Variants in ATP10D observed in about 807,000 individuals in gnomAD.
ATP10D encodes the protein phospholipid-transporting ATPase VD.
In ATP10D, 89 loss-of-function variants were observed where a neutral mutation model predicts 144.8. The observed-to-expected ratio is 0.61, with a 90% confidence interval of 0.52 to 0.73. The LOEUF is 0.73. Among genes scored for constraint, ATP10D ranks in the 30% least tolerant of loss-of-function variants. ATP10D has a pLI of 0.00. For synonymous variants in ATP10D, 571 were observed against 615.1 expected (o/e 0.93, Z 1.06); for missense variants, 1,603 against 1,714.8 (o/e 0.93, Z 1.15).
intron 20 of ATP10D, among the ~76,000 whole-genome samples, chr4:47,581,022 C>T (rs942971647): frequency 6.6e-6 from 1 of 152,048 alleles, no homozygotes; most frequent in African/African-American, 2.4e-5. Context: ...GTGATTGCAC[C>T]ACTGCACTCC....
At chr4:47,511,831 G>C (rs531618124) in intron 1 of ATP10D, among the ~76,000 whole-genome samples, 1 of 152,254 alleles carries the variant, frequency 6.6e-6, no homozygotes, top group East Asian at 1.9e-4. Context: ...TGGTAAATGG[G>C]GCAACTGAGG....
At chr4:47,495,894 C>T (rs1458742737) in intron 1 of ATP10D, among the ~76,000 whole-genome samples, 11 of 152,232 alleles carry the variant, frequency 7.2e-5, no homozygotes, top group Non-Finnish European at 1.0e-4. Flanking sequence ...TGCGCCACCG[C>T]GCCTGGCTAA....
rs1714793477 is a variant in ATP10D, at chr4:47,486,988, T to C, written c.-38+1469T>C. Among the ~76,000 whole-genome samples, 6 of 152,106 alleles carry C rather than the reference T, an allele frequency of 3.9e-5. No individual in the cohort carries two copies. In the South Asian group the frequency reaches 1.2e-3, roughly 32 times the overall value. On this transcript the variant is annotated intron_variant, in intron 1 of 22. Transcript: ENST00000273859. Reference sequence around the variant, plus strand: ...GCTCATGCCTGTAATCCCAACACTTTGGGAGGCCGAGGCAGGCGGATCACC... The same window carrying C: ...GCTCATGCCTGTAATCCCAACACTTCGGGAGGCCGAGGCAGGCGGATCACC...
At chr4:47,573,713 G>T (rs1293821763) in intron 18 of ATP10D, among the ~76,000 whole-genome samples, 1 of 152,030 alleles carries the variant, frequency 6.6e-6, no homozygotes, top group Non-Finnish European at 1.5e-5. Context: ...ATGAATTTTA[G>T]GCCAAATTCA....
In ATP10D at chr4:47,563,650, G is replaced by C; in HGVS notation, c.2738G>C (p.Gly913Ala). Residue 913 changes from glycine to alanine, a missense_variant, in exon 15 of 23, where the codon GGC (glycine) becomes GCC (alanine). Coordinates refer to ENST00000273859, the MANE Select transcript of ATP10D (RefSeq NM_020453.4). ...PESIEALHKA[G>A]IKIWMLTGDK... is the part of the protein sequence containing the mutation. ...TCTATAGAAGCTCTTCACAAAGCGG[G>C]CATCAAGATCTGGATGCTGACAGGG... The C allele has an allele frequency of 6.2e-7, 1 of 1,613,972 alleles. No individual in the cohort carries two copies.
chr4:47,522,780 G>C (rs1717011848), intron 3 of ATP10D, among the ~76,000 whole-genome samples: 1 of 152,102 alleles, frequency 6.6e-6, no homozygotes, highest in South Asian at 2.1e-4. Flanking sequence ...TGTTGGCCAG[G>C]CTGGTCTGGA....
rs900566971 is a variant in ATP10D, at chr4:47,569,741, G to A, written c.3163+595G>A. 4.6e-5 allele frequency among the ~76,000 whole-genome samples: 7 copies of A among 152,274 alleles called. No individual in the cohort carries two copies. In the East Asian group the frequency reaches 1.3e-3, roughly 29 times the overall value. ...ACACGTAGAGCACTGGAGATGGGCT[G>A]GGGCTGCTCTTTTAAATACGATTTT... On this transcript the variant is annotated intron_variant, in intron 16 of 22. Coordinates refer to ENST00000273859, the MANE Select transcript of ATP10D (RefSeq NM_020453.4).
intron 20 of ATP10D, among the ~76,000 whole-genome samples, 187 bp downstream of exon 20, chr4:47,580,665 T>G (rs1037666300): frequency 4.6e-5 from 7 of 152,206 alleles, no homozygotes; most frequent in Admixed American, 1.3e-4. Context: ...TAGACATACA[T>G]AGTTTGAGTC....
At chr4:47,520,146 A>C (rs1370287196) in intron 3 of ATP10D, among the ~76,000 whole-genome samples, 1 of 152,162 alleles carries the variant, frequency 6.6e-6, no homozygotes, top group Non-Finnish European at 1.5e-5. Context: ...CAAATGTCAA[A>C]ATCTGTCTCT....
chr4:47,533,231 G>T (rs958121724), intron 5 of ATP10D, among the ~76,000 whole-genome samples: 1 of 152,090 alleles, frequency 6.6e-6, no homozygotes, highest in African/African-American at 2.4e-5. Flanking sequence ...CTGAGGACTG[G>T]CTGGTGCTTA....
intron 1 of ATP10D, among the ~76,000 whole-genome samples, chr4:47,486,353 T>G (rs1239168530): frequency 6.6e-6 from 1 of 152,230 alleles, no homozygotes; most frequent in East Asian, 1.9e-4. Flanking sequence ...CAAAGTTTCT[T>G]CTTGCGTTCT....
intron 19 of ATP10D, 27 bp from the exon 20 acceptor site, chr4:47,580,371 C>T (rs1219989892): frequency 6.4e-7 from 1 of 1,563,984 alleles, no homozygotes; most frequent in Non-Finnish European, 8.8e-7. Flanking sequence ...AATCTTACTA[C>T]CTCCCCGTTA....
chr4:47,581,872 C>A, intron 20 of ATP10D, 88 bp from the exon 21 acceptor site: 2 of 1,045,546 alleles, frequency 1.9e-6, no homozygotes, highest in Non-Finnish European at 3.0e-6. Flanking sequence ...AGAAGGGATT[C>A]AAGCCTTGGT....
chr4:47,494,573 A>C (rs1238038168), intron 1 of ATP10D, among the ~76,000 whole-genome samples: 1 of 135,072 alleles, frequency 7.4e-6, no homozygotes, highest in African/African-American at 2.7e-5. Context: ...ATGGGCCCAT[A>C]TGATGTTGAA....
intron 19 of ATP10D, among the ~76,000 whole-genome samples, chr4:47,577,517 A>G (rs771905039): frequency 1.6e-4 from 24 of 149,560 alleles, no homozygotes; most frequent in Non-Finnish European, 3.1e-4. Context: ...TATGGGAATG[A>G]AGTGAGGATT....
chr4:47,583,111 C>T (rs528532920), intron 21 of ATP10D: 4 of 152,362 alleles, frequency 2.6e-5, no homozygotes, highest in African/African-American at 9.6e-5. Flanking sequence ...CACTGCACTC[C>T]AGCTTGGGAA....
chr4:47,498,135 C>A (rs919377483), intron 1 of ATP10D, among the ~76,000 whole-genome samples: 5 of 152,200 alleles, frequency 3.3e-5, no homozygotes, highest in African/African-American at 1.2e-4. Context: ...AGAAGTCCCA[C>A]TAGGGCTGAG....
intron 21 of ATP10D, among the ~76,000 whole-genome samples, chr4:47,583,849 G>C (rs1241814829): frequency 6.6e-6 from 1 of 152,188 alleles, no homozygotes; most frequent in Non-Finnish European, 1.5e-5. Context: ...GAGTGACTCT[G>C]GAGATGCACA....
At chr4:47,553,334 A>C (rs559517279) in intron 10 of ATP10D, among the ~76,000 whole-genome samples, 1 of 152,338 alleles carries the variant, frequency 6.6e-6, no homozygotes, top group South Asian at 2.1e-4. Context: ...AATGGCTATG[A>C]ACTCCATCAA....
Sources: gnomAD v4.1 joint callset for allele counts (sites outside exome capture counted in the v4.1 genomes callset) on GRCh38, gnomAD v4.1.1 for gene constraint, MANE v1.5 for transcripts, NCBI Gene and HGNC (gene_info 2026-07-23, HGNC 2026-07-21) for gene names.